CALN1: variants seen among roughly 807,000 people sequenced by gnomAD.
CALN1 encodes calcium-binding protein 8.
A neutral mutation model predicts 30.6 loss-of-function variants in CALN1; 17 were observed. The ratio of observed to expected loss-of-function variants is 0.56; its 90% CI spans 0.38 to 0.83. CALN1 has a LOEUF of 0.83. Among genes scored for constraint, CALN1 ranks in the 40% least tolerant of loss-of-function variants. The pLI is 0.00. For missense variants in CALN1, 291 were observed against 354.9 expected, an observed-to-expected ratio of 0.82 and a Z score of 1.45; for synonymous variants, 156 against 131.4, an observed-to-expected ratio of 1.19 and a Z score of -1.28.
intron 3 of CALN1, among the ~76,000 whole-genome samples, chr7:72,213,071 T>C (rs1792525960): frequency 6.6e-6 from 1 of 152,226 alleles, no homozygotes; most frequent in Admixed American, 6.5e-5. Context: ...GACGAATTTC[T>C]GCTCAGAATG....
intron 4 of CALN1, among the ~76,000 whole-genome samples, chr7:72,057,804 G>A (rs1803365611): frequency 6.6e-6 from 1 of 151,984 alleles, no homozygotes; most frequent in South Asian, 2.1e-4. Flanking sequence ...CCCTATTTTG[G>A]TGTGGTCTTA....
chr7:72,296,454 G>C (rs1798866064), intron 2 of CALN1, among the ~76,000 whole-genome samples: 1 of 151,160 alleles, frequency 6.6e-6, no homozygotes, highest in Non-Finnish European at 1.5e-5. Context: ...GTTCCTCCTT[G>C]TACCTCTGTA....
Position 71,780,443 on chromosome 7 carries a change from C to CT in CALN1, c.*7331dup, listed in dbSNP as rs1792657044. The CT allele has an allele frequency of 6.6e-6, 1 of 152,250 alleles. No individual in the cohort carries two copies. Among genetic ancestry groups the CT allele is most frequent in the African/African-American group, 2.4e-5 (1 of 41,436 alleles). 9.4% of individuals were successfully genotyped at this position (152,250 alleles called of 1,614,324 possible). On this transcript the variant is annotated 3_prime_UTR_variant, in exon 7 of 7. Coordinates refer to ENST00000395275, the MANE Select transcript of CALN1 (RefSeq NM_031468.4). ...TTGCCTGGGGCAGAAGGGTTAGAGA[C>CT]TTGTGGATCCTGCAGCTGCTCTCTT... is the stretch of plus-strand genomic sequence containing the variant.
intron 4 of CALN1, among the ~76,000 whole-genome samples, chr7:72,070,974 G>C (rs1337881340): frequency 2.0e-5 from 3 of 152,204 alleles, no homozygotes; most frequent in Admixed American, 6.5e-5. Flanking sequence ...GCAAAGCAGA[G>C]AGCACTAGGA....
chr7:72,184,578 C>CCT (rs967596564), intron 3 of CALN1, among the ~76,000 whole-genome samples: 1 of 152,130 alleles, frequency 6.6e-6, no homozygotes, highest in African/African-American at 2.4e-5. Context: ...TACCTTGCAT[C>CCT]CTCTGTCGTA....
At chr7:72,064,002 G>A (rs143492103) in intron 4 of CALN1, among the ~76,000 whole-genome samples, 17 of 152,240 alleles carry the variant, frequency 1.1e-4, no homozygotes, top group African/African-American at 3.9e-4. Context: ...GGCCAGGCAC[G>A]GTGGCTCATG....
At chr7:72,297,208 GTT>G (rs1355874889) in intron 2 of CALN1, among the ~76,000 whole-genome samples, 1 of 151,946 alleles carries the variant, frequency 6.6e-6, no homozygotes, top group Non-Finnish European at 1.5e-5. Context: ...CAGAAAAAAA[GTT>G]TTGTTATTTA....
chr7:71,969,858 T>A (rs1797710881), intron 5 of CALN1, among the ~76,000 whole-genome samples: 1 of 150,316 alleles, frequency 6.7e-6, no homozygotes, highest in African/African-American at 2.5e-5. Flanking sequence ...AGGGTCTCAC[T>A]CTGTCACCCA....
At chr7:72,172,971 A>G (rs1280868765) in intron 3 of CALN1, among the ~76,000 whole-genome samples, 1 of 152,076 alleles carries the variant, frequency 6.6e-6, no homozygotes, top group Non-Finnish European at 1.5e-5. Context: ...ATAAGGCAAG[A>G]AAAAAAAGAG....
chr7:72,015,392 A>C (rs1200995566), intron 5 of CALN1, among the ~76,000 whole-genome samples: 1 of 151,704 alleles, frequency 6.6e-6, no homozygotes, highest in Non-Finnish European at 1.5e-5. Flanking sequence ...TTGAATATTC[A>C]ATTTAATAGG....
intron 5 of CALN1, among the ~76,000 whole-genome samples, chr7:71,893,264 T>C (rs12154985): frequency 0.39 from 58,782 of 151,706 alleles, 13,578 homozygotes; most frequent in African/African-American, 0.64. Context: ...GTAGAGGCTA[T>C]GGATGCTGCT....
intron 5 of CALN1, among the ~76,000 whole-genome samples, chr7:71,919,131 C>T (rs551960838): frequency 6.6e-6 from 1 of 152,260 alleles, no homozygotes; most frequent in South Asian, 2.1e-4. Context: ...TTGCCATCAC[C>T]ACCTAATGCC....
At chr7:72,143,666 A>T (rs1030432076) in intron 3 of CALN1, among the ~76,000 whole-genome samples, 1 of 152,162 alleles carries the variant, frequency 6.6e-6, no homozygotes, top group African/African-American at 2.4e-5. Context: ...TCCAAGACAC[A>T]TAATTGTCAG....
At chr7:72,110,077 T>A (rs555863865) in intron 3 of CALN1, among the ~76,000 whole-genome samples, 1 of 152,296 alleles carries the variant, frequency 6.6e-6, no homozygotes, top group East Asian at 1.9e-4. Context: ...CACTTCCCAT[T>A]CCTTCTGACT....
chr7:71,827,474 G>C (rs1788982889), intron 5 of CALN1, among the ~76,000 whole-genome samples: 1 of 152,056 alleles, frequency 6.6e-6, no homozygotes, highest in Admixed American at 6.6e-5. Context: ...GCAAAGATAA[G>C]AAACAAAAGA....
chr7:72,094,021 C>A (rs1015712732), intron 4 of CALN1, among the ~76,000 whole-genome samples: 1 of 152,152 alleles, frequency 6.6e-6, no homozygotes, highest in Non-Finnish European at 1.5e-5. Flanking sequence ...ACAACTAAGG[C>A]AGTTGCCTTG....
intron 1 of CALN1, among the ~76,000 whole-genome samples, chr7:72,436,019 GC>G (rs539821391): frequency 1.4e-3 from 208 of 152,268 alleles, no homozygotes; most frequent in Admixed American, 2.3e-3. Context: ...GCTATGAGAT[GC>G]CCCCCAGCCT....
intron 2 of CALN1, among the ~76,000 whole-genome samples, chr7:72,388,670 G>A (rs1805390215): frequency 6.6e-6 from 1 of 152,124 alleles, no homozygotes; most frequent in African/African-American, 2.4e-5. Flanking sequence ...CCCCATCTGT[G>A]CCCTCTCCCT....
chr7:72,101,603 G>A (rs1270656475), intron 4 of CALN1, among the ~76,000 whole-genome samples: 1 of 152,164 alleles, frequency 6.6e-6, no homozygotes, highest in East Asian at 1.9e-4. Context: ...GTCTACAGCT[G>A]CACTTGGCGG....
Sources: gnomAD v4.1 joint callset for allele counts (sites outside exome capture counted in the v4.1 genomes callset) on GRCh38, gnomAD v4.1.1 for gene constraint, MANE v1.5 for transcripts, NCBI Gene and HGNC (gene_info 2026-07-23, HGNC 2026-07-21) for gene names.